Variants in UGT8 observed in about 807,000 individuals in gnomAD.
UGT8 encodes the protein UDP glycosyltransferase 8, also known as 2-hydroxyacylsphingosine 1-beta-galactosyltransferase.
In UGT8, 12 loss-of-function variants were observed where a neutral mutation model predicts 40.5. The observed-to-expected ratio is 0.30, with a 90% CI of 0.19 to 0.48. The LOEUF is 0.48. UGT8 is among the 20% of genes least tolerant of loss of function. The pLI is 0.99. For synonymous variants in UGT8, 224 were observed against 240.4 expected (o/e 0.93, Z 0.63); for missense variants, 513 against 648.7 (o/e 0.79, Z 2.27).
rs1297850638 is a variant in UGT8 at position 114,668,267 on chromosome 4, C to T, written c.1225C>T (p.Leu409Phe). The change falls in exon 5 of 6, where the codon CTC (leucine) becomes TTC (phenylalanine). Residue 409 changes from leucine to phenylalanine, a missense_variant. Around this residue, in one of 3 missense-constraint regions of UGT8, gnomAD observed 175 missense variants for 186.7 expected, o/e 0.94. Transcript: ENST00000310836. The part of the protein sequence containing the change: ...LEWKTVTEKE[L>F]YEALVKVINN... ...ATGGAAGACAGTTACTGAAAAAGAG[C>T]TCTATGAAGCACTAGTGAAGGTTAT... 5 of 1,613,536 alleles carry T rather than the reference C, an allele frequency of 3.1e-6. No homozygotes were observed. In the Admixed American group the frequency reaches 8.3e-5, roughly 27 times the overall value.
At chr4:114,599,900 A>G (rs955702795) in intron 1 of UGT8, among the ~76,000 whole-genome samples, 1 of 152,158 alleles carries the variant, frequency 6.6e-6, no homozygotes, top group African/African-American at 2.4e-5. Context: ...CAATCTCTAT[A>G]TACAAGCTTT....
At position 114,647,109 on chromosome 4, in the gene UGT8, A is replaced by T. The variant is rs555404253; in HGVS notation, c.823-16886A>T. Among the ~76,000 whole-genome samples, 4 of 152,296 alleles carry T rather than the reference A, an allele frequency of 2.6e-5. No homozygotes were observed. The East Asian group carries it at 7.7e-4, about 29-fold the overall frequency. On this transcript the variant is annotated intron_variant, in intron 2 of 5. Coordinates refer to ENST00000310836, the MANE Select transcript of UGT8 (RefSeq NM_001128174.3). Reference sequence around the variant, plus strand: ...TAATTTATTCTTTTTAGAAAGTCATATTGACACCTGTAGAGATTTTATAAA... The same window carrying T: ...TAATTTATTCTTTTTAGAAAGTCATTTTGACACCTGTAGAGATTTTATAAA...
At chr4:114,659,997 T>C (rs546907508) in intron 2 of UGT8, among the ~76,000 whole-genome samples, 6 of 152,302 alleles carry the variant, frequency 3.9e-5, no homozygotes, top group African/African-American at 1.4e-4. Flanking sequence ...GGCTAACCAT[T>C]TGGTTAAAAA....
chr4:114,622,783 G>A, intron 1 of UGT8, 96 bp from the exon 2 acceptor site: 2 of 1,112,600 alleles, frequency 1.8e-6, no homozygotes, highest in Non-Finnish European at 2.5e-6. Context: ...CAAAGTATTA[G>A]ATCAGATATT....
intron 1 of UGT8, among the ~76,000 whole-genome samples, chr4:114,619,696 G>C (rs144658473): frequency 0.013 from 1,934 of 151,902 alleles, 30 homozygotes; most frequent in African/African-American, 0.035. Context: ...GAATGACAGT[G>C]TATTTAACCA....
intron 2 of UGT8, among the ~76,000 whole-genome samples, chr4:114,634,034 CAGT>C (rs2126107931): frequency 6.6e-6 from 1 of 151,968 alleles, no homozygotes; most frequent in South Asian, 2.1e-4. Context: ...GTGAATGTTG[CAGT>C]AGCTCAGAGG....
upstream of UGT8, chr4:114,598,726 CCGCTGGGAGCTGCGGACGAGCAGGCG>C: frequency 6.6e-6 from 1 of 152,092 alleles, no homozygotes; most frequent in Non-Finnish European, 1.5e-5. Flanking sequence ...GCCTGGCCGC[CCGCTGGGAGCTGCGGACGAGCAGGCG>C]CGCTGAGGAC....
chr4:114,653,291 A>G lies in UGT8; in HGVS notation c.823-10704A>G, dbSNP rs75299735. ...AATATCCATGACGTTATAGTCGTAG[A>G]ATATGACCTTATTGCATATTGTGGC... On this transcript the variant is annotated intron_variant, in intron 2 of 5. Coordinates refer to ENST00000310836, the MANE Select transcript of UGT8 (RefSeq NM_001128174.3). Among the ~76,000 whole-genome samples, 1,099 of 152,256 alleles carry G rather than the reference A, an allele frequency of 7.2e-3. 16 individuals are homozygous for G. Among genetic ancestry groups the G allele is most frequent in the African/African-American group, 0.024 (1,018 of 41,566 alleles).
At chr4:114,642,673 G>A (rs1733301860) in intron 2 of UGT8, among the ~76,000 whole-genome samples, 1 of 152,178 alleles carries the variant, frequency 6.6e-6, no homozygotes, top group South Asian at 2.1e-4. Context: ...TCTTGTAGCT[G>A]TTTTAGTTTG....
At chr4:114,633,102 A>G (rs946828672) in intron 2 of UGT8, among the ~76,000 whole-genome samples, 4 of 152,148 alleles carry the variant, frequency 2.6e-5, no homozygotes, top group Non-Finnish European at 5.9e-5. Context: ...TTTACAAATC[A>G]CAAAGAGATG....
intron 2 of UGT8, chr4:114,663,748 G>T (rs1734690619): frequency 1.0e-6 from 1 of 984,898 alleles, no homozygotes; most frequent in East Asian, 1.1e-4. Context: ...TTTAGCAACT[G>T]ATTTTTTAAG....
chr4:114,637,122 G>A (rs528040046), intron 2 of UGT8, among the ~76,000 whole-genome samples: 2 of 152,290 alleles, frequency 1.3e-5, no homozygotes, highest in South Asian at 2.1e-4. Flanking sequence ...CAGAGGATTA[G>A]GAGGACACAA....
At chr4:114,636,086 A>G (rs1732870255) in intron 2 of UGT8, among the ~76,000 whole-genome samples, 1 of 152,214 alleles carries the variant, frequency 6.6e-6, no homozygotes, top group African/African-American at 2.4e-5. Flanking sequence ...AATGGAAATC[A>G]TGGTAATATA....
chr4:114,664,555 C>G (rs1734737252), intron 3 of UGT8, among the ~76,000 whole-genome samples: 1 of 152,128 alleles, frequency 6.6e-6, no homozygotes, highest in Non-Finnish European at 1.5e-5. Context: ...ATACCGTGGA[C>G]TCTTTTGGGC....
chr4:114,638,088 T>A (rs926821897), intron 2 of UGT8, among the ~76,000 whole-genome samples: 1 of 152,230 alleles, frequency 6.6e-6, no homozygotes, highest in African/African-American at 2.4e-5. Flanking sequence ...CTTGTTTTAT[T>A]TACTTAAAAC....
chr4:114,633,897 T>A (rs754922052), intron 2 of UGT8, among the ~76,000 whole-genome samples: 1 of 151,294 alleles, frequency 6.6e-6, no homozygotes, highest in African/African-American at 2.4e-5. Flanking sequence ...TGAGCCCAGA[T>A]GGCGCCACTG....
chr4:114,615,111 C>T (rs1356044461), intron 1 of UGT8, among the ~76,000 whole-genome samples: 1 of 151,938 alleles, frequency 6.6e-6, no homozygotes, highest in East Asian at 1.9e-4. Context: ...CCAGTTTGTC[C>T]ACAGTTAACA....
chr4:114,656,725 G>A (rs1231652245), intron 2 of UGT8: 2 of 492,046 alleles, frequency 4.1e-6, no homozygotes, highest in East Asian at 1.2e-4. Context: ...GTGACCTGAG[G>A]GGGAAGTTTC....
chr4:114,603,630 TAGAC>T (rs1730568425), intron 1 of UGT8, among the ~76,000 whole-genome samples: 1 of 152,064 alleles, frequency 6.6e-6, no homozygotes, highest in African/African-American at 2.4e-5. Context: ...GAGGGGGTGT[TAGAC>T]AGTCTCGGTT....
Sources: gnomAD v4.1 joint callset for allele counts (sites outside exome capture counted in the v4.1 genomes callset) on GRCh38, gnomAD v4.1.1 for gene constraint, gnomAD v4.1.1 regional missense constraint, MANE v1.5 for transcripts, NCBI Gene and HGNC (gene_info 2026-07-23, HGNC 2026-07-21) for gene names.